Variants in TEX9 observed in about 807,000 individuals in gnomAD.
The protein encoded by TEX9 is testis expressed 9, also known as testis-expressed protein 9.
Under a neutral mutation model 59.6 loss-of-function variants are expected in TEX9, and 74 were observed. The observed-to-expected ratio is 1.24, with a 90% CI of 1.03 to 1.51. TEX9 has a LOEUF of 1.51. TEX9 is among the 40% of genes most tolerant of loss of function. TEX9 has a pLI of 0.00. For synonymous variants in TEX9, 186 were observed against 152.2 expected (o/e 1.22, Z -1.64); for missense variants, 522 against 447.8 (o/e 1.17, Z -1.49).
chr15:56,303,375 G>C (rs1176526863), intron 1 of TEX9, among the ~76,000 whole-genome samples: 2 of 151,944 alleles, frequency 1.3e-5, no homozygotes, highest in African/African-American at 4.8e-5. Context: ...CAATAGAATA[G>C]AACTGGAAAT....
intron 9 of TEX9, among the ~76,000 whole-genome samples, chr15:56,404,309 A>G (rs1158803077): frequency 2.0e-5 from 3 of 152,228 alleles, no homozygotes; most frequent in Non-Finnish European, 4.4e-5. Context: ...CAACCCCATC[A>G]AAAAGTGGGC....
intron 12 of TEX9, among the ~76,000 whole-genome samples, chr15:56,441,045 C>A (rs1363138396): frequency 1.3e-5 from 2 of 152,094 alleles, no homozygotes; most frequent in African/African-American, 4.8e-5. Context: ...CCTCTAAGCA[C>A]TGCATTAACT....
At chr15:56,434,213 T>C (rs1403212877) in intron 12 of TEX9, 1 of 1,613,842 alleles carries the variant, frequency 6.2e-7, no homozygotes, top group Non-Finnish European at 8.5e-7. Context: ...GCTGCTTCAT[T>C]CTTTGTTTCT....
Position 56,401,590 on chromosome 15 carries a change from G to T in TEX9, c.828+6756G>T, listed in dbSNP as rs532526565. Among the ~76,000 whole-genome samples the T allele has an allele frequency of 8.5e-5, 13 of 152,206 alleles. No individual in the cohort carries two copies. In the South Asian group the frequency reaches 2.1e-3, roughly 24 times the overall value. ...TCAGTATTAGATTAATGAGACAGAA[G>T]GTTAACAAGGATACCCAGGACTAGA... On this transcript the variant is annotated intron_variant, in intron 9 of 12. Transcript: ENST00000352903.
intron 1 of TEX9, chr15:56,274,612 G>A (rs1484044629): frequency 1.3e-5 from 2 of 152,016 alleles, no homozygotes; most frequent in East Asian, 3.9e-4. Context: ...TCCAATTTTA[G>A]TGTATGTACT....
At chr15:56,366,712 T>A (rs1288992542) in intron 2 of TEX9, among the ~76,000 whole-genome samples, 5 of 152,218 alleles carry the variant, frequency 3.3e-5, no homozygotes, top group Admixed American at 6.5e-5. Flanking sequence ...ATAAAATAAC[T>A]AGATTAAAAT....
rs554245310 is a variant in TEX9 at position 56,412,164 on chromosome 15, A to T, written c.829-138A>T. The T allele has an allele frequency of 5.9e-5, 42 of 716,588 alleles. 1 individual carries two copies. The South Asian group carries it at 1.1e-3, about 18-fold the overall frequency. The allele number at this position is 716,588 out of a possible 1,614,324, so 44.4% of individuals were successfully genotyped here. On this transcript the variant is annotated intron_variant, in intron 9 of 12. Transcript: ENST00000352903. ...CTCTAACACTTAGTGTTCAGCCTCTACCCCCAAGCGTGTGTGTGTGTGTGT... is the reference window on the plus strand; with the variant it reads ...CTCTAACACTTAGTGTTCAGCCTCTTCCCCCAAGCGTGTGTGTGTGTGTGT...
chr15:56,344,946 C>T (rs1488230774), intron 1 of TEX9, among the ~76,000 whole-genome samples: 10 of 151,342 alleles, frequency 6.6e-5, no homozygotes, highest in Non-Finnish European at 1.3e-4. Flanking sequence ...TACTATTACC[C>T]CAACTCAGTC....
chr15:56,378,970 G>C (rs1351058438), intron 3 of TEX9, among the ~76,000 whole-genome samples: 1 of 151,732 alleles, frequency 6.6e-6, no homozygotes, highest in Non-Finnish European at 1.5e-5. Flanking sequence ...GGGCTGAGGA[G>C]GGAGGATTGT....
intron 6 of TEX9, among the ~76,000 whole-genome samples, chr15:56,391,003 C>T (rs1171765336): frequency 3.3e-5 from 5 of 152,012 alleles, no homozygotes; most frequent in Non-Finnish European, 7.4e-5. Context: ...TCTGCTAAGT[C>T]TCTTGTAATA....
At chr15:56,293,394 A>G (rs1490321163) in intron 1 of TEX9, among the ~76,000 whole-genome samples, 2 of 152,210 alleles carry the variant, frequency 1.3e-5, no homozygotes, top group African/African-American at 4.8e-5. Context: ...AATAAAAAGA[A>G]GGAAAAAACA....
At position 56,428,533 on chromosome 15, in the gene TEX9, A is replaced by G. The variant is rs1184366902; in HGVS notation, c.*29+60A>G. 4.5e-5 allele frequency: 40 copies of G among 892,322 alleles called. No homozygotes were observed. In the East Asian group the frequency reaches 1.0e-3, roughly 23 times the overall value. The allele number at this position is 892,322 out of a possible 1,614,324, so 55.3% of individuals were successfully genotyped here. A position where few individuals can be genotyped will look rare whatever the true frequency, so the allele number is the denominator to read the frequency against. The stretch of plus-strand genomic sequence containing the variant: ...GGTTTGAATTATTTTTATTCTTCAT[A>G]AGTAATATATTTGATTATGAAAGCA... On this transcript the variant is annotated intron_variant, in intron 12 of 12. Transcript: ENST00000352903.
downstream of TEX9, chr15:56,445,949 A>G (rs1596264032): frequency 6.6e-6 from 1 of 151,992 alleles, no homozygotes; most frequent in East Asian, 1.9e-4. Flanking sequence ...AAGTCTCTCC[A>G]CCTTTTCTTA....
chr15:56,419,615 A>G (rs1211606813), intron 10 of TEX9, among the ~76,000 whole-genome samples: 1 of 151,584 alleles, frequency 6.6e-6, no homozygotes, highest in Non-Finnish European at 1.5e-5. Flanking sequence ...TATCTCTTTT[A>G]TATATTATTG....
intron 9 of TEX9, chr15:56,409,746 A>AGTGC (rs2049258140): frequency 6.6e-6 from 1 of 152,196 alleles, no homozygotes; most frequent in Non-Finnish European, 1.5e-5. Context: ...ATCTTCCCAC[A>AGTGC]TTGGACTCCC....
intron 1 of TEX9, among the ~76,000 whole-genome samples, chr15:56,261,009 GTATT>G (rs1261513293): frequency 1.3e-5 from 2 of 151,736 alleles, no homozygotes. Flanking sequence ...ATTGTCAAAT[GTATT>G]TATATAAAAT....
intron 1 of TEX9, among the ~76,000 whole-genome samples, chr15:56,331,520 A>G (rs1019044940): frequency 6.6e-6 from 1 of 152,192 alleles, no homozygotes; most frequent in African/African-American, 2.4e-5. Flanking sequence ...CTATACAAAC[A>G]TATGGAAATT....
the TEX9 span, among the ~76,000 whole-genome samples, chr15:56,451,523 G>A: frequency 6.6e-6 from 1 of 152,166 alleles, no homozygotes; most frequent in Non-Finnish European, 1.5e-5. Flanking sequence ...TGGGAGGAGA[G>A]ACAGGAGCTG....
At chr15:56,293,945 G>C (rs935649179) in intron 1 of TEX9, among the ~76,000 whole-genome samples, 10 of 152,296 alleles carry the variant, frequency 6.6e-5, no homozygotes, top group African/African-American at 2.4e-4. Context: ...TGAGTTCCAC[G>C]AATCCTTCTA....
Sources: gnomAD v4.1 joint callset for allele counts (sites outside exome capture counted in the v4.1 genomes callset) on GRCh38, gnomAD v4.1.1 for gene constraint, MANE v1.5 for transcripts, NCBI Gene and HGNC (gene_info 2026-07-23, HGNC 2026-07-21) for gene names.